The following ZNF205 variants were observed in gnomAD, a reference collection of about 807,000 sequenced individuals.
ZNF205 encodes zinc finger protein 205, also known as transcriptional repressor RHIT.
ZNF205 carries 32 observed loss-of-function variants against 53.6 expected under a neutral mutation model. The ratio of observed to expected loss-of-function variants is 0.60; its 90% CI spans 0.45 to 0.80. ZNF205 has a LOEUF of 0.80. Among genes scored for constraint, ZNF205 ranks in the 30% least tolerant of loss-of-function variants. The pLI, the probability that ZNF205 is intolerant of heterozygous loss-of-function variation, is 0.00. For missense variants in ZNF205, 836 were observed against 782.4 expected, an observed-to-expected ratio of 1.07 and a Z score of -0.82; for synonymous variants, 382 against 334.3, an observed-to-expected ratio of 1.14 and a Z score of -1.56.
rs139893783 is a variant in ZNF205 at position 3,117,442 on chromosome 16, C to CTTTTTT, written c.484+914_484+919dup. Among the ~76,000 whole-genome samples the CTTTTTT allele has an allele frequency of 5.8e-3, 424 of 73,174 alleles. 52 individuals are homozygous for CTTTTTT. Among genetic ancestry groups the CTTTTTT allele is most frequent in the South Asian group, 8.5e-3 (13 of 1,534 alleles). 48.0% of individuals were successfully genotyped at this position (73,174 alleles called of 152,430 possible). A position where few individuals can be genotyped will look rare whatever the true frequency, so the allele number is the denominator to read the frequency against. ...GATGTTAAGTATTTAAGTCCCAGAG[C>CTTTTTT]TTTTTTTTTTTTTTTTTTTTTTTTG... On this transcript the variant is annotated intron_variant, in intron 5 of 6. Transcript: ENST00000219091.
chr16:3,116,943 C>A (rs1441367662), intron 5 of ZNF205, among the ~76,000 whole-genome samples: 6 of 152,070 alleles, frequency 3.9e-5, no homozygotes, highest in Non-Finnish European at 5.9e-5. Context: ...TACAGGTGCC[C>A]ACCACCACGC....
intron 4 of ZNF205, 33 bp from the exon 5 acceptor site, chr16:3,116,394 G>A: frequency 3.7e-6 from 6 of 1,613,288 alleles, no homozygotes; most frequent in South Asian, 1.1e-5. Context: ...TCCACGTCAT[G>A]TCCTGGAGAG....
chr16:3,120,282 C>A lies in ZNF205; in HGVS notation c.1622C>A (p.Ala541Glu). The change falls in exon 7 of 7, where the codon GCG (alanine) becomes GAG (glutamate). Residue 541 changes from alanine (A) to glutamate (E), a missense_variant. Coordinates refer to ENST00000219091, the MANE Select transcript of ZNF205 (RefSeq NM_001042428.2). ...CTGGCCATGCTGATGCTGGGGGCGG[C>A]GGCGGCGGGGGCTCTGGCCACACCC... The part of the protein sequence containing the change: ...KALAMLMLGA[A>E]AAGALATPPP... 1 of 1,593,818 alleles carries A rather than the reference C, an allele frequency of 6.3e-7. No individual in the cohort carries two copies. Among genetic ancestry groups the A allele is most frequent in the Non-Finnish European group, 8.5e-7 (1 of 1,176,652 alleles).
intron 6 of ZNF205, 113 bp from the exon 7 acceptor site, chr16:3,119,143 T>G: frequency 1.3e-6 from 2 of 1,502,916 alleles, no homozygotes; most frequent in Non-Finnish European, 1.8e-6. Context: ...AGGGCGGCCC[T>G]TGCGCTTTCT....
chr16:3,120,106 C>T lies in ZNF205; in HGVS notation c.1446C>T (p.Gly482=). ...AGCCCTACCACTGCCTCGACTGCGG[C>T]AAGAGCTTCAGCCACAGCTCGCACC... The part of the protein sequence containing the change: ...GEKPYHCLDC[G]KSFSHSSHLT... The change falls in exon 7 of 7, where the codon GGC becomes GGT. Residue 482 remains glycine (G), a synonymous_variant. Coordinates refer to ENST00000219091, the MANE Select transcript of ZNF205 (RefSeq NM_001042428.2). 1 of 1,613,608 alleles carries T rather than the reference C, an allele frequency of 6.2e-7. No homozygotes were observed. The highest frequency in any genetic ancestry group is 8.5e-7 in the Non-Finnish European group (1 of 1,179,804).
intron 1 of ZNF205, among the ~76,000 whole-genome samples, chr16:3,113,116 G>C (rs942101335): frequency 6.6e-6 from 1 of 152,194 alleles, no homozygotes; most frequent in African/African-American, 2.4e-5. Flanking sequence ...GGCTTTCCCT[G>C]AGCCGGTTAC....
rs1436820138 is a variant in ZNF205, at chr16:3,119,359, G to A, written c.699G>A (p.Pro233=). The A allele has an allele frequency of 6.2e-6, 10 of 1,612,476 alleles. No homozygotes were observed. Among genetic ancestry groups the A allele is most frequent in the African/African-American group, 1.3e-5 (1 of 74,910 alleles). ...TRAGRVQWGV[P]QCAQEAACGR... ...CAGGGAGAGTCCAGTGGGGCGTCCC[G>A]CAGTGCGCGCAGGAAGCAGCCTGCG... is the stretch of plus-strand genomic sequence containing the variant. Residue 233 remains proline, a synonymous_variant, in exon 7 of 7, where the codon CCG becomes CCA. Transcript: ENST00000219091.
rs1203560861 is a variant in ZNF205 at position 3,115,278 on chromosome 16, G to A, written c.58-77G>A. 2.4e-5 allele frequency: 29 copies of A among 1,198,704 alleles called. No individual in the cohort carries two copies. The East Asian group carries it at 5.4e-4, about 22-fold the overall frequency. 74.3% of individuals were successfully genotyped at this position (1,198,704 alleles called of 1,614,324 possible). ...TGCGTCTTGCATGTTGGTTTCCGAC[G>A]CTGCCGGAGCGCACTGCCATGTGGC... On this transcript the variant is annotated intron_variant, in intron 2 of 6. Coordinates refer to ENST00000219091, the MANE Select transcript of ZNF205 (RefSeq NM_001042428.2).
At position 3,118,705 on chromosome 16, in the gene ZNF205, G is replaced by A. The variant is rs559950278; in HGVS notation, c.485-200G>A. On this transcript the variant is annotated intron_variant, in intron 5 of 6. Transcript: ENST00000219091. ...CTCCGTTGCTCTTTCAGGGAAAGAG[G>A]AGACAGGCCTAGTCAGCTCTGGCAG... Among the ~76,000 whole-genome samples, 8 of 152,296 alleles carry A rather than the reference G, an allele frequency of 5.3e-5. No individual in the cohort carries two copies. In the South Asian group the frequency reaches 1.0e-3, roughly 20 times the overall value.
chr16:3,113,271 C>A, intron 1 of ZNF205, 146 bp from the exon 2 acceptor site: 2 of 671,136 alleles, frequency 3.0e-6, no homozygotes, highest in South Asian at 1.7e-5. Flanking sequence ...GACCAGGGAG[C>A]GCTGGTACTC....
Position 3,119,236 on chromosome 16 carries a change from A to T in ZNF205, c.596-20A>T, listed in dbSNP as rs1458332829. ...CTTAGGGAAGCTCGTCCCTAGCTGG[A>T]AACGACTTTCTTTTTCCAGGAGCCG... is the stretch of plus-strand genomic sequence containing the variant. On this transcript the variant is annotated intron_variant, in intron 6 of 6. Transcript: ENST00000219091. 2.6e-6 allele frequency: 4 copies of T among 1,559,016 alleles called. No individual in the cohort carries two copies. The South Asian group carries it at 4.8e-5, about 19-fold the overall frequency.
At chr16:3,114,968 C>T (rs1957319789) in intron 2 of ZNF205, 1 of 164,320 alleles carries the variant, frequency 6.1e-6, no homozygotes, top group Non-Finnish European at 1.3e-5. Context: ...TTTAACTTAC[C>T]TGTATAAAGA....
chr16:3,115,089 C>G (rs922155011), intron 2 of ZNF205: 15 of 326,482 alleles, frequency 4.6e-5, no homozygotes, highest in Admixed American at 1.5e-4. Context: ...AGACAGCAGT[C>G]TACACTGCTG....
chr16:3,115,839 C>A lies in ZNF205; in HGVS notation c.282C>A (p.Ser94=), dbSNP rs753848515. Residue 94 remains serine (S), a synonymous_variant, in exon 4 of 7, where the codon TCC becomes TCA. Coordinates refer to ENST00000219091, the MANE Select transcript of ZNF205 (RefSeq NM_001042428.2). ...ALFLPGGALP[S]PRIPVLSREG... ...TCTCTCCTCCCACAGCCCTCCCCTCCCCCCGGATCCCCGTGCTTTCCCGAG... is the reference window on the plus strand; with the variant it reads ...TCTCTCCTCCCACAGCCCTCCCCTCACCCCGGATCCCCGTGCTTTCCCGAG... 1.9e-6 allele frequency: 3 copies of A among 1,613,570 alleles called. No homozygotes were observed. Among genetic ancestry groups the A allele is most frequent in the Non-Finnish European group, 2.5e-6 (3 of 1,179,772 alleles).
chr16:3,119,211 C>T (rs1456117574), intron 6 of ZNF205, 45 bp from the exon 7 acceptor site: 4 of 1,540,930 alleles, frequency 2.6e-6, no homozygotes, highest in African/African-American at 2.8e-5. Context: ...TCCTGGGGTC[C>T]TTAGGGAAGC....
intron 6 of ZNF205, 49 bp from the exon 7 acceptor site, chr16:3,119,207 G>T: frequency 6.5e-7 from 1 of 1,538,022 alleles, no homozygotes; most frequent in Non-Finnish European, 8.8e-7. Flanking sequence ...ACCCTCCTGG[G>T]GTCCTTAGGG....
chr16:3,116,693 T>C (rs548410106), intron 5 of ZNF205, 146 bp downstream of exon 5: 5 of 1,272,796 alleles, frequency 3.9e-6, no homozygotes, highest in African/African-American at 1.5e-5. Context: ...TCTGTAATGA[T>C]GGAAATGTTC....
rs146322683 is a variant in ZNF205, at chr16:3,115,866, G to C, written c.309G>C (p.Glu103Asp). The C allele has an allele frequency of 6.2e-6, 10 of 1,614,058 alleles. No individual in the cohort carries two copies. In the South Asian group the frequency reaches 6.6e-5, roughly 11 times the overall value. Residue 103 changes from glutamate to aspartate, a missense_variant, in exon 4 of 7, where the codon GAG becomes GAC. Coordinates refer to ENST00000219091, the MANE Select transcript of ZNF205 (RefSeq NM_001042428.2). ...PSPRIPVLSR[E>D]GRTRDRQMAA... ...CCCGGATCCCCGTGCTTTCCCGAGA[G>C]GGGAGGACCAGAGACCGGCAGATGG...
Position 3,120,338 on chromosome 16 carries a change from G to A in ZNF205, c.*13G>A, listed in dbSNP as rs555977098. On this transcript the variant is annotated 3_prime_UTR_variant, in exon 7 of 7. Coordinates refer to ENST00000219091, the MANE Select transcript of ZNF205 (RefSeq NM_001042428.2). ...CGCTCCCACCTAGGAGGCCAGGAAA[G>A]GGGGAGCGGGGCGCCCAGGGCCACT... The A allele has an allele frequency of 8.0e-6, 12 of 1,497,822 alleles. No homozygotes were observed. The highest frequency in any genetic ancestry group is 1.1e-5 in the Non-Finnish European group (12 of 1,133,362). The allele number at this position is 1,497,822 out of a possible 1,614,324, so 92.8% of individuals were successfully genotyped here.
Sources: gnomAD v4.1 joint callset for allele counts (sites outside exome capture counted in the v4.1 genomes callset) on GRCh38, gnomAD v4.1.1 for gene constraint, MANE v1.5 for transcripts, NCBI Gene and HGNC (gene_info 2026-07-23, HGNC 2026-07-21) for gene names.